The following DMD variants were observed in gnomAD, a reference collection of about 807,000 sequenced individuals.
DMD encodes dystrophin.
DMD carries 63 observed loss-of-function variants against 330.1 expected under a neutral mutation model. That is an observed-to-expected ratio of 0.19 (90% CI 0.16 to 0.24). The LOEUF (loss-of-function observed/expected upper bound fraction) is 0.24. DMD is among the 10% of genes least tolerant of loss of function. DMD has a pLI of 1.00. For synonymous variants in DMD, 1,223 were observed against 959.8 expected, an observed-to-expected ratio of 1.27 and a Z score of -5.07; for missense variants, 3,344 against 2,684.1, an observed-to-expected ratio of 1.25 and a Z score of -5.43.
At chrX:32,886,165 T>TA (rs1478692166) in intron 2 of DMD, among the ~76,000 whole-genome samples, 1 of 111,019 alleles carries the variant, frequency 9.0e-6, no homozygotes, top group African/African-American at 3.3e-5. Context: ...AGTATTATTT[T>TA]AAAAACATGC....
intron 52 of DMD, 93 bp downstream of exon 52, chrX:31,729,538 T>C (rs377569816): frequency 1.1e-5 from 7 of 660,028 alleles, no homozygotes; most frequent in African/African-American, 2.1e-5. Flanking sequence ...CACATTATTT[T>C]TATAAATGTG....
intron 44 of DMD, among the ~76,000 whole-genome samples, chrX:32,129,728 G>A (rs68037846): frequency 0.1 from 2,233 of 21,341 alleles, 63 homozygotes; most frequent in East Asian, 0.18. Flanking sequence ...AGAGAGGGAG[G>A]GAGAGAGAGA....
Position 32,456,810 on chromosome X carries a change from C to A in DMD, c.3433-1978G>T, listed in dbSNP as rs181336988. On this transcript the variant is annotated intron_variant, in intron 25 of 78. Transcript: ENST00000357033. ...TGGAGGTGCCATTTGTAATAACAGG[C>A]AAATTTCTAGGGTAGTAGACTGGGG... Among the ~76,000 whole-genome samples the A allele has an allele frequency of 3.7e-5, 4 of 108,110 alleles. No individual in the cohort carries two copies. In the East Asian group the frequency reaches 1.2e-3, roughly 31 times the overall value. The allele number at this position is 108,110 out of a possible 115,157, so 93.9% of individuals were successfully genotyped here. A position where few individuals can be genotyped will look rare whatever the true frequency, so the allele number is the denominator to read the frequency against.
At chrX:31,154,057 CAG>C (rs1167000084) in intron 74 of DMD, among the ~76,000 whole-genome samples, 3 of 111,962 alleles carry the variant, frequency 2.7e-5, no homozygotes, top group African/African-American at 9.7e-5. Context: ...GTCATAGTCA[CAG>C]AGCTGTGTTA....
At chrX:33,326,836 T>C (rs193076300) in intron 1 of DMD, among the ~76,000 whole-genome samples, 2 of 110,646 alleles carry the variant, frequency 1.8e-5, no homozygotes, top group African/African-American at 6.6e-5. Flanking sequence ...TATGGGGATC[T>C]AAACTAAGGT....
At chrX:31,896,270 C>T (rs888932527) in intron 47 of DMD, among the ~76,000 whole-genome samples, 3 of 111,650 alleles carry the variant, frequency 2.7e-5, no homozygotes, top group Non-Finnish European at 5.7e-5. Flanking sequence ...CTTTTCTAAA[C>T]TATCAATGAT....
chrX:31,900,707 G>A (rs2094411209), intron 47 of DMD, among the ~76,000 whole-genome samples: 1 of 111,384 alleles, frequency 9.0e-6, no homozygotes, highest in Non-Finnish European at 1.9e-5. Flanking sequence ...GGGCTCAGAA[G>A]AAAGGAAAAT....
intron 18 of DMD, among the ~76,000 whole-genome samples, chrX:32,515,741 C>T (rs1357782471): frequency 9.0e-6 from 1 of 111,374 alleles, no homozygotes; most frequent in African/African-American, 3.3e-5. Context: ...GCATAGGAAT[C>T]ACTCCTGGAA....
intron 34 of DMD, among the ~76,000 whole-genome samples, chrX:32,368,596 A>T (rs192893289): frequency 4.0e-4 from 45 of 111,964 alleles, no homozygotes; most frequent in African/African-American, 1.3e-3. Flanking sequence ...GAATGTCTGC[A>T]TCTTCAGATG....
chrX:32,556,125 CAAAT>C (rs748062339), intron 16 of DMD, among the ~76,000 whole-genome samples: 1 of 111,749 alleles, frequency 8.9e-6, no homozygotes, highest in East Asian at 2.8e-4. Flanking sequence ...AAGAAAAAAA[CAAAT>C]AACCTCATTA....
At chrX:32,207,306 C>T (rs961104485) in intron 44 of DMD, among the ~76,000 whole-genome samples, 16 of 111,090 alleles carry the variant, frequency 1.4e-4, no homozygotes, top group African/African-American at 4.9e-4. Flanking sequence ...GGAGTTCAGC[C>T]CCCTTTTGAT....
At chrX:31,310,471 G>A (rs989592045) in intron 62 of DMD, among the ~76,000 whole-genome samples, 9 of 109,176 alleles carry the variant, frequency 8.2e-5, no homozygotes, top group Admixed American at 6.9e-4. Context: ...GCCTTTATTT[G>A]ATAAAGCACT....
chrX:33,181,649 C>T (rs1311235707), intron 1 of DMD, among the ~76,000 whole-genome samples: 3 of 111,943 alleles, frequency 2.7e-5, no homozygotes, highest in African/African-American at 9.7e-5. Flanking sequence ...ACACAAAGCT[C>T]TTATTACAGT....
At chrX:32,519,443 T>A (rs1241851428) in intron 17 of DMD, among the ~76,000 whole-genome samples, 1 of 111,087 alleles carries the variant, frequency 9.0e-6, no homozygotes, top group Non-Finnish European at 1.9e-5. Context: ...TACCCTATGC[T>A]TAATTACTTC....
chrX:31,815,627 T>C (rs958978686), intron 50 of DMD, among the ~76,000 whole-genome samples: 8 of 111,599 alleles, frequency 7.2e-5, no homozygotes, highest in African/African-American at 2.6e-4. Flanking sequence ...TTTCCCTCCT[T>C]TTCCCCAATG....
intron 18 of DMD, among the ~76,000 whole-genome samples, chrX:32,503,958 A>G (rs2044351308): frequency 8.9e-6 from 1 of 112,196 alleles, no homozygotes; most frequent in African/African-American, 3.2e-5. Context: ...AGTAATCAAG[A>G]CAGAGTAATA....
chrX:32,336,763 C>G (rs776712578), intron 41 of DMD, among the ~76,000 whole-genome samples: 1 of 111,940 alleles, frequency 8.9e-6, no homozygotes, highest in Non-Finnish European at 1.9e-5. Flanking sequence ...AGCACCTATG[C>G]AAAATTCTAG....
At chrX:32,034,153 C>G (rs1002009912) in intron 44 of DMD, among the ~76,000 whole-genome samples, 2 of 111,733 alleles carry the variant, frequency 1.8e-5, no homozygotes, top group African/African-American at 6.5e-5. Context: ...AAGCATTTCC[C>G]TGGCATACAT....
At chrX:31,706,725 T>G (rs1164805804) in intron 52 of DMD, among the ~76,000 whole-genome samples, 1 of 112,282 alleles carries the variant, frequency 8.9e-6, no homozygotes, top group African/African-American at 3.2e-5. Flanking sequence ...ATAAGAATGC[T>G]CCTATGGTTT....
Sources: allele counts gnomAD v4.1 joint callset (sites outside exome capture counted in the v4.1 genomes callset), GRCh38; gene constraint gnomAD v4.1.1; transcripts MANE v1.5; gene names NCBI Gene and HGNC (gene_info 2026-07-23, HGNC 2026-07-21).